Variants in ADGRL3 observed in about 807,000 individuals in gnomAD.
The protein encoded by ADGRL3 is adhesion G protein-coupled receptor L3, also known as calcium-independent alpha-latrotoxin receptor 3.
Under a neutral mutation model 153.5 loss-of-function variants are expected in ADGRL3, and 62 were observed. That is an observed-to-expected ratio of 0.40 (90% CI 0.33 to 0.50). The LOEUF is 0.50. Among genes scored for constraint, ADGRL3 ranks in the 20% least tolerant of loss-of-function variants. ADGRL3 has a pLI of 0.47. For synonymous variants in ADGRL3, 710 were observed against 672.5 expected (o/e 1.06, Z -0.86); for missense variants, 1,641 against 1,859.4 (o/e 0.88, Z 2.16).
intron 15 of ADGRL3, among the ~76,000 whole-genome samples, chr4:61,945,766 G>A (rs999476520): frequency 6.6e-6 from 1 of 151,648 alleles, no homozygotes; most frequent in African/African-American, 2.4e-5. Flanking sequence ...CGCTTCCCAG[G>A]TGAGGCAATG....
chr4:61,711,678 G>A (rs1262828027), intron 6 of ADGRL3, among the ~76,000 whole-genome samples: 1 of 151,280 alleles, frequency 6.6e-6, no homozygotes, highest in African/African-American at 2.4e-5. Flanking sequence ...AAAAAAGAAA[G>A]TGCCATACAG....
At chr4:61,631,628 A>C (rs1022648193) in intron 5 of ADGRL3, among the ~76,000 whole-genome samples, 1 of 152,186 alleles carries the variant, frequency 6.6e-6, no homozygotes, top group African/African-American at 2.4e-5. Flanking sequence ...ACAAAATAGC[A>C]CCAGGTAATG....
intron 1 of ADGRL3, among the ~76,000 whole-genome samples, chr4:61,282,705 T>A (rs1011547465): frequency 1.3e-5 from 2 of 151,998 alleles, no homozygotes; most frequent in Non-Finnish European, 2.9e-5. Flanking sequence ...TGTTTTATAT[T>A]GCCTAAAATT....
chr4:62,017,565 G>C (rs540515729), intron 21 of ADGRL3, among the ~76,000 whole-genome samples: 42 of 151,716 alleles, frequency 2.8e-4, no homozygotes, highest in Admixed American at 1.5e-3. Flanking sequence ...TTATTTAATA[G>C]CTTATTTAAG....
intron 4 of ADGRL3, among the ~76,000 whole-genome samples, chr4:61,577,972 A>G (rs995253287): frequency 5.3e-5 from 8 of 152,088 alleles, no homozygotes. Flanking sequence ...TCTTAAAATT[A>G]TATTATGTTT....
chr4:61,335,955 C>G (rs111500256), intron 1 of ADGRL3, among the ~76,000 whole-genome samples: 2 of 152,008 alleles, frequency 1.3e-5, no homozygotes, highest in Admixed American at 6.6e-5. Context: ...AAGCTGTGCT[C>G]TCATAATTTT....
chr4:61,742,290 A>C (rs2096590689), intron 8 of ADGRL3, among the ~76,000 whole-genome samples: 2 of 151,590 alleles, frequency 1.3e-5, no homozygotes, highest in Admixed American at 6.6e-5. Flanking sequence ...TATTATTATT[A>C]TTTTTTGAGA....
At chr4:61,219,500 G>GATTT (rs1289574919) in intron 1 of ADGRL3, among the ~76,000 whole-genome samples, 1 of 152,068 alleles carries the variant, frequency 6.6e-6, no homozygotes, top group African/African-American at 2.4e-5. Context: ...TGTTTATAGT[G>GATTT]ATTTATTTAT....
chr4:61,516,774 A>G (rs1429664414), intron 3 of ADGRL3, among the ~76,000 whole-genome samples: 1 of 152,144 alleles, frequency 6.6e-6, no homozygotes, highest in Non-Finnish European at 1.5e-5. Context: ...ACCTGAAAAC[A>G]TACAAATAAG....
chr4:61,921,425 T>A (rs2098768635), intron 13 of ADGRL3, among the ~76,000 whole-genome samples: 1 of 152,144 alleles, frequency 6.6e-6, no homozygotes, highest in Non-Finnish European at 1.5e-5. Flanking sequence ...CACTGTTAGC[T>A]TTTTTGTTGT....
chr4:62,071,893 C>T lies in ADGRL3; in HGVS notation c.*985C>T, dbSNP rs1236613571. Reference sequence around the variant, plus strand: ...TAAATAAAATTAGACTTCCTTCCCTCACTATATATCTTTATGCAGTCAGAA... The same window carrying T: ...TAAATAAAATTAGACTTCCTTCCCTTACTATATATCTTTATGCAGTCAGAA... On this transcript the variant is annotated 3_prime_UTR_variant, in exon 27 of 27. Transcript: ENST00000683033. 11 of 315,838 alleles carry T rather than the reference C, an allele frequency of 3.5e-5. No individual in the cohort carries two copies. Among genetic ancestry groups the T allele is most frequent in the Non-Finnish European group, 6.7e-5 (11 of 164,536 alleles). 19.6% of individuals were successfully genotyped at this position (315,838 alleles called of 1,614,324 possible).
At chr4:61,762,631 T>A (rs1337477275) in intron 8 of ADGRL3, among the ~76,000 whole-genome samples, 4 of 152,148 alleles carry the variant, frequency 2.6e-5, no homozygotes, top group South Asian at 2.1e-4. Flanking sequence ...GTGAAAAAAA[T>A]TTTAGCTCTT....
intron 9 of ADGRL3, among the ~76,000 whole-genome samples, chr4:61,832,638 T>C (rs779429375): frequency 5.6e-4 from 85 of 152,160 alleles, no homozygotes; most frequent in Non-Finnish European, 1.1e-3. Flanking sequence ...AATAATCTAC[T>C]GTTCTTTCCT....
chr4:61,896,192 A>G lies in ADGRL3; in HGVS notation c.1887+358A>G, dbSNP rs534415501. Among the ~76,000 whole-genome samples the G allele has an allele frequency of 3.3e-5, 5 of 152,280 alleles. No individual in the cohort carries two copies. In the East Asian group the frequency reaches 9.7e-4, roughly 29 times the overall value. On this transcript the variant is annotated intron_variant, in intron 11 of 26. Transcript: ENST00000683033. The stretch of plus-strand genomic sequence containing the variant: ...AAATAATTATAATTTTTCAAAGTCT[A>G]CCTTTGGAATCTTAAGCCATCTGAT...
At chr4:61,770,483 G>A (rs2097071340) in intron 8 of ADGRL3, among the ~76,000 whole-genome samples, 1 of 152,142 alleles carries the variant, frequency 6.6e-6, no homozygotes, top group African/African-American at 2.4e-5. Context: ...GGCATTTTGA[G>A]GCATATCTAT....
At chr4:61,799,001 A>G (rs1217674610) in intron 8 of ADGRL3, among the ~76,000 whole-genome samples, 24 of 35,964 alleles carry the variant, frequency 6.7e-4, no homozygotes, top group African/African-American at 2.2e-3. Context: ...TATAAACAGT[A>G]TATATATATA....
At chr4:61,776,351 G>A (rs1006006225) in intron 8 of ADGRL3, among the ~76,000 whole-genome samples, 1 of 152,152 alleles carries the variant, frequency 6.6e-6, no homozygotes, top group Non-Finnish European at 1.5e-5. Flanking sequence ...GGGGTTTTGA[G>A]TTCTTTATTT....
intron 9 of ADGRL3, among the ~76,000 whole-genome samples, chr4:61,832,724 C>CT (rs571794955): frequency 1.4e-3 from 216 of 152,176 alleles, no homozygotes; most frequent in African/African-American, 5.1e-3. Context: ...CATCTGAAAC[C>CT]TTGTTGGAAA....
At position 61,473,496 on chromosome 4, in the gene ADGRL3, G is replaced by A. The variant is rs1261380293; in HGVS notation, c.-173-23625G>A. On this transcript the variant is annotated intron_variant, in intron 2 of 26. Coordinates refer to ENST00000683033, the MANE Select transcript of ADGRL3 (RefSeq NM_001387552.1). ...ACTCCCTGAATAGAACATGGATCCA[G>A]CACTTACTTGTTTAATGACATGTGT... Among the ~76,000 whole-genome samples, 3 of 151,962 alleles carry A rather than the reference G, an allele frequency of 2.0e-5. No homozygotes were observed. The East Asian group carries it at 5.8e-4, about 29-fold the overall frequency.
Sources: allele counts gnomAD v4.1 joint callset (sites outside exome capture counted in the v4.1 genomes callset), GRCh38; gene constraint gnomAD v4.1.1; transcripts MANE v1.5; gene names NCBI Gene and HGNC (gene_info 2026-07-23, HGNC 2026-07-21).